Variants in SEPTIN4 observed in about 807,000 individuals in gnomAD.
SEPTIN4 encodes septin 4.
Under a neutral mutation model 107.1 loss-of-function variants are expected in SEPTIN4, and 52 were observed. That is an observed-to-expected ratio of 0.49 (90% CI 0.39 to 0.61). The LOEUF (loss-of-function observed/expected upper bound fraction) is 0.61, where lower values mean the gene tolerates loss of function less well. Ranked by LOEUF, SEPTIN4 falls within the 20% of genes least tolerant of loss-of-function variation. The probability of loss-of-function intolerance (pLI) is 0.00; values close to 1 mark genes in which losing one functional copy is unlikely to be tolerated. For missense variants in SEPTIN4, 1,048 were observed against 1,243.5 expected, an observed-to-expected ratio of 0.84 and a Z score of 2.36; for synonymous variants, 417 against 467.0, an observed-to-expected ratio of 0.89 and a Z score of 1.38.
intron 13 of SEPTIN4, 60 bp downstream of exon 13, chr17:58,520,683 A>ACGTTG (rs2042166896): frequency 3.7e-6 from 6 of 1,601,984 alleles, no homozygotes; most frequent in Non-Finnish European, 5.1e-6. Context: ...TACCAAACAA[A>ACGTTG]GAGATACCAA....
rs751107865 is a variant in SEPTIN4 at position 58,542,966 on chromosome 17, T to C, written c.1221A>G (p.Glu407=). ...GAGGAGGCAAGGGCCTAGGGGTCAG[T>C]TCCAGTTCTGCATGGATGGAGGGCT... The part of the protein sequence containing the change: ...SQKPSIHAEL[E]LTPRPLPPRS... Residue 407 remains glutamate (E), a synonymous_variant, in exon 1 of 14, where the codon GAA becomes GAG. Coordinates refer to ENST00000672673, the MANE Select transcript of SEPTIN4 (RefSeq NM_001368771.2). 1.2e-6 allele frequency: 2 copies of C among 1,614,074 alleles called. No homozygotes were observed. The highest frequency in any genetic ancestry group is 1.1e-5 in the South Asian group (1 of 91,064).
intron 3 of SEPTIN4, among the ~76,000 whole-genome samples, chr17:58,533,468 T>C (rs1425784023): frequency 6.6e-6 from 1 of 152,070 alleles, no homozygotes; most frequent in South Asian, 2.1e-4. Flanking sequence ...TATGCTACTA[T>C]AGGCCTTGGA....
In SEPTIN4 at chr17:58,542,745, C is replaced by A; in HGVS notation, c.1442G>T (p.Ser481Ile). 2 of 1,614,182 alleles carry A rather than the reference C, an allele frequency of 1.2e-6. No individual in the cohort carries two copies. The highest frequency in any genetic ancestry group is 1.7e-6 in the Non-Finnish European group (2 of 1,180,030). ...CTTTGGTGGTGATGGTGGTGATAGG[C>A]TTGCCTTCTCTCTCTGGAACTTCAG... ...EDLKFQREKA[S>I]LSPPSPPKEF... Residue 481 changes from serine to isoleucine, a missense_variant, in exon 1 of 14, where the codon AGC (serine) becomes ATC (isoleucine). This residue lies in a region of SEPTIN4 where 787 missense variants were observed against 871.8 expected (regional missense o/e 0.90). Transcript: ENST00000672673.
chr17:58,533,204 GA>G (rs2043584761), intron 3 of SEPTIN4, among the ~76,000 whole-genome samples: 1 of 152,140 alleles, frequency 6.6e-6, no homozygotes, highest in Non-Finnish European at 1.5e-5. Context: ...ATCAGGCTGA[GA>G]AAAACAATGG....
intron 3 of SEPTIN4, chr17:58,528,119 C>G (rs1267032260): frequency 3.6e-6 from 3 of 822,290 alleles, no homozygotes; most frequent in Non-Finnish European, 4.4e-6. Context: ...GCTGCAGAGG[C>G]TGACTCACTC....
At chr17:58,530,239 G>A (rs1260518607) in intron 3 of SEPTIN4, 2 of 152,254 alleles carry the variant, frequency 1.3e-5, no homozygotes, top group Non-Finnish European at 2.9e-5. Context: ...GCCTCCCAGC[G>A]AGGCTGGGGA....
chr17:58,544,309 G>A lies in SEPTIN4; in HGVS notation c.-123C>T. On this transcript the variant is annotated 5_prime_UTR_variant, in exon 1 of 14. Transcript: ENST00000672673. ...TGCTGTTTCTTGGGCTCCCACAAAA[G>A]TGGCTGTTGTTCTAAGAGTGTCTCA... 3 of 1,347,418 alleles carry A rather than the reference G, an allele frequency of 2.2e-6. No individual in the cohort carries two copies. Among genetic ancestry groups the A allele is most frequent in the Non-Finnish European group, 3.0e-6 (3 of 994,722 alleles). 83.5% of individuals were successfully genotyped at this position (1,347,418 alleles called of 1,614,324 possible).
rs142139234 is a variant in SEPTIN4 at position 58,543,817 on chromosome 17, T to C, written c.370A>G (p.Ser124Gly). 36 of 1,614,092 alleles carry C rather than the reference T, an allele frequency of 2.2e-5. No individual in the cohort carries two copies. In the African/African-American group the frequency reaches 4.1e-4, roughly 19 times the overall value. Residue 124 changes from serine to glycine, a missense_variant, in exon 1 of 14, where the codon AGT becomes GGT. Physicochemically the swap from Ser to Gly is moderately conservative, Grantham distance 56 (BLOSUM62 0). Transcript: ENST00000672673. ...SHASSRQWKVSPPREEAARRG... is the reference protein window; with the variant it reads ...SHASSRQWKVGPPREEAARRG... ...CGTGCTGCTTCCTCTCTGGGTGGAC[T>C]AACTTTCCATTGTCTGCTTGAAGCA...
rs1463268405 is a variant in SEPTIN4, at chr17:58,544,133, C to T, written c.54G>A (p.Gly18=). The change falls in exon 1 of 14, where the codon GGG becomes GGA. Residue 18 remains glycine, a synonymous_variant. Coordinates refer to ENST00000672673, the MANE Select transcript of SEPTIN4 (RefSeq NM_001368771.2). The stretch of plus-strand genomic sequence containing the variant: ...GGGATGTGTTAGTAGTAACCTCAGA[C>T]CCTCTCTGTGCTGAAACCGCTACCT... The part of the protein sequence containing the change: ...GAKVAVSAQR[G]SEVTTNTSPQ... The T allele has an allele frequency of 6.2e-7, 1 of 1,614,034 alleles. No individual in the cohort carries two copies. The highest frequency in any genetic ancestry group is 1.7e-5 in the Admixed American group (1 of 60,020).
Position 58,544,233 on chromosome 17 carries a change from G to A in SEPTIN4, c.-47C>T, listed in dbSNP as rs2043968954. ...AGTAGATCCCGTATTTTACTGGCTG[G>A]CTTGTATTCAGGATCCTAATGATGC... On this transcript the variant is annotated 5_prime_UTR_variant, in exon 1 of 14. Coordinates refer to ENST00000672673, the MANE Select transcript of SEPTIN4 (RefSeq NM_001368771.2). 1 of 1,548,980 alleles carries A rather than the reference G, an allele frequency of 6.5e-7. No individual in the cohort carries two copies. Among genetic ancestry groups the A allele is most frequent in the African/African-American group, 1.4e-5 (1 of 73,170 alleles).
intron 3 of SEPTIN4, 76 bp from the exon 4 acceptor site, chr17:58,527,054 C>G (rs2042989964): frequency 2.5e-6 from 4 of 1,608,738 alleles, no homozygotes; most frequent in Non-Finnish European, 3.4e-6. Flanking sequence ...AGGAAGGAGA[C>G]AGAAGACAGG....
intron 3 of SEPTIN4, among the ~76,000 whole-genome samples, chr17:58,532,983 C>T (rs1453271196): frequency 1.3e-5 from 2 of 152,170 alleles, no homozygotes; most frequent in Admixed American, 6.5e-5. Flanking sequence ...CTTCCTGACC[C>T]GCAAGACCCC....
chr17:58,527,737 A>AGTGG (rs1460096017), intron 3 of SEPTIN4: 13 of 655,424 alleles, frequency 2.0e-5, no homozygotes, highest in Non-Finnish European at 5.7e-6. Context: ...AGGATGGAAG[A>AGTGG]GCCTGGGAAA....
In SEPTIN4 at chr17:58,526,092, G is replaced by T. The variant is rs536756138; in HGVS notation, c.2005+128C>A. 2.4e-3 allele frequency: 3,111 copies of T among 1,281,128 alleles called. 125 individuals are homozygous for T. The Admixed American group carries it at 0.082, about 34-fold the overall frequency. 79.4% of individuals were successfully genotyped at this position (1,281,128 alleles called of 1,614,324 possible). On this transcript the variant is annotated intron_variant, in intron 5 of 13. Coordinates refer to ENST00000672673, the MANE Select transcript of SEPTIN4 (RefSeq NM_001368771.2). The stretch of plus-strand genomic sequence containing the variant: ...TCTCACAGGCCAATGACTCCTGGCT[G>T]TTTTGCAAAACAGTACAGCCACTCG...
At chr17:58,524,088 C>T (rs1598265796) in intron 7 of SEPTIN4, among the ~76,000 whole-genome samples, 1 of 152,300 alleles carries the variant, frequency 6.6e-6, no homozygotes, top group East Asian at 1.9e-4. Context: ...TTTGAACTCT[C>T]TGTCTAGGGC....
intron 7 of SEPTIN4, among the ~76,000 whole-genome samples, chr17:58,524,315 C>T (rs1400765454): frequency 6.6e-6 from 1 of 152,176 alleles, no homozygotes; most frequent in Non-Finnish European, 1.5e-5. Context: ...TCCAGCTTTT[C>T]TTTCGGCAGG....
In SEPTIN4 at chr17:58,521,294, C is replaced by T. The variant is rs1057065; in HGVS notation, c.2628G>A (p.Arg876=). ...AGGGGTAGAGTCGACCCCGAACTCG[C>T]CGCCCTCTGGCCTCTACTACAGTGT... is the stretch of plus-strand genomic sequence containing the variant. ...GSNTVVEARG[R]RVRGRLYPWG... Residue 876 remains arginine (R), a synonymous_variant, in exon 11 of 14, where the codon CGG becomes CGA. Transcript: ENST00000672673. The surrounding 1 kb of genome is among the most constrained non-coding windows in gnomAD (Gnocchi z 6.4). 0.061 allele frequency: 98,366 copies of T among 1,614,110 alleles called. 3,521 individuals carry two copies. The highest frequency in any genetic ancestry group is 0.068 in the Non-Finnish European group (80,322 of 1,179,974).
rs1419971240 is a variant in SEPTIN4, at chr17:58,527,487, C to G, written c.1615-509G>C. 4 of 271,176 alleles carry G rather than the reference C, an allele frequency of 1.5e-5. No homozygotes were observed. In the East Asian group the frequency reaches 3.9e-4, roughly 27 times the overall value. The allele number at this position is 271,176 out of a possible 1,614,324, so 16.8% of individuals were successfully genotyped here. ...AAGCTGACTGCATCAGGCAGGTCAA[C>G]CAGCAGGGGGTTCTGTACCTCCTGT... On this transcript the variant is annotated intron_variant, in intron 3 of 13. Coordinates refer to ENST00000672673, the MANE Select transcript of SEPTIN4 (RefSeq NM_001368771.2).
intron 2 of SEPTIN4, chr17:58,540,893 A>G: frequency 2.5e-6 from 1 of 393,414 alleles, no homozygotes; most frequent in Non-Finnish European, 4.5e-6. Flanking sequence ...TTTATTGGTA[A>G]TAACTTGTAA....
Sources: allele counts gnomAD v4.1 joint callset (sites outside exome capture counted in the v4.1 genomes callset), GRCh38; gene constraint gnomAD v4.1.1; regional missense constraint gnomAD v4.1.1; non-coding constraint Gnocchi (gnomAD v3.1); transcripts MANE v1.5; gene names NCBI Gene and HGNC (gene_info 2026-07-23, HGNC 2026-07-21).